PRDM10: variants seen among roughly 807,000 people sequenced by gnomAD.
PRDM10 encodes the protein PR domain zinc finger protein 10.
A neutral mutation model predicts 133.1 loss-of-function variants in PRDM10; 65 were observed. The ratio of observed to expected loss-of-function variants is 0.49; its 90% CI spans 0.40 to 0.60. The LOEUF is 0.60. PRDM10 is among the 20% of genes least tolerant of loss of function. The pLI is 0.00. For missense variants in PRDM10, 1,137 were observed against 1,507.1 expected (o/e 0.75, Z 4.07); for synonymous variants, 582 against 580.4 (o/e 1.00, Z -0.04).
Position 129,957,740 on chromosome 11 carries a change from A to G in PRDM10, c.234+6T>C. The G allele has an allele frequency of 6.2e-7, 1 of 1,605,048 alleles. No individual in the cohort carries two copies. Among genetic ancestry groups the G allele is most frequent in the Non-Finnish European group, 8.5e-7 (1 of 1,175,934 alleles). The stretch of plus-strand genomic sequence containing the variant: ...ACAAATTATCAACAGATAACCCTTC[A>G]CATGCCTGTGCAGCTTCCACCGGGT... On this transcript the variant is annotated splice_donor_region_variant and intron_variant, in intron 3 of 20. Coordinates refer to ENST00000360871, the MANE Select transcript of PRDM10 (RefSeq NM_199437.2).
chr11:129,912,109 G>T lies in PRDM10; in HGVS notation c.2958C>A (p.Thr986=). 1.9e-6 allele frequency: 3 copies of T among 1,611,432 alleles called. No individual in the cohort carries two copies. Among genetic ancestry groups the T allele is most frequent in the Middle Eastern group, 1.7e-4 (1 of 6,044 alleles). ...CCTGGGCGGAGGACGGGGCCGAGGC[G>T]GTAGGCTCGCTGACCTGGATGTGCT... ...QVQHIQVSEP[T]ASAPSSAQVS... is the part of the protein sequence containing the mutation. Residue 986 remains threonine, a synonymous_variant, in exon 18 of 21, where the codon ACC becomes ACA. Transcript: ENST00000360871.
chr11:129,976,548 GAAC>G (rs1375470927), intron 1 of PRDM10, among the ~76,000 whole-genome samples: 1 of 152,166 alleles, frequency 6.6e-6, no homozygotes, highest in African/African-American at 2.4e-5. Flanking sequence ...TGACAGCACA[GAAC>G]AATAAGCTAG....
chr11:129,905,507 G>C (rs917326698), intron 20 of PRDM10, 131 bp downstream of exon 20: 56 of 739,744 alleles, frequency 7.6e-5, no homozygotes, highest in Non-Finnish European at 1.3e-4. Context: ...CCAAGACCTA[G>C]CTTTCAAAGA....
chr11:129,935,848 C>A (rs1041890166), intron 8 of PRDM10, among the ~76,000 whole-genome samples: 1 of 152,200 alleles, frequency 6.6e-6, no homozygotes, highest in Admixed American at 6.5e-5. Context: ...TAGTTGGTAA[C>A]CTTTAAGTCA....
intron 12 of PRDM10, among the ~76,000 whole-genome samples, chr11:129,924,413 G>T (rs1950612976): frequency 1.3e-5 from 2 of 152,144 alleles, no homozygotes; most frequent in East Asian, 3.9e-4. Context: ...ACACTACAGG[G>T]GAGGAGGCAG....
chr11:129,949,553 T>C (rs34001462), intron 4 of PRDM10, among the ~76,000 whole-genome samples: 12,545 of 152,286 alleles, frequency 0.082, 940 homozygotes, highest in East Asian at 0.37. Flanking sequence ...CCTTCAGGCA[T>C]CTAGAGGAAG....
chr11:129,966,718 G>C (rs558434464), intron 1 of PRDM10, among the ~76,000 whole-genome samples: 1 of 152,332 alleles, frequency 6.6e-6, no homozygotes, highest in African/African-American at 2.4e-5. Context: ...TGTTATTACT[G>C]AGATTCACGG....
At chr11:129,944,446 G>T (rs143418768) in intron 6 of PRDM10, among the ~76,000 whole-genome samples, 1 of 152,182 alleles carries the variant, frequency 6.6e-6, no homozygotes, top group South Asian at 2.1e-4. Flanking sequence ...TTAGCCGGGC[G>T]TGGTGGCGGG....
At chr11:129,958,745 A>G (rs1266964246) in intron 2 of PRDM10, among the ~76,000 whole-genome samples, 1 of 152,250 alleles carries the variant, frequency 6.6e-6, no homozygotes, top group East Asian at 1.9e-4. Flanking sequence ...TGCTGAATCA[A>G]TGAATGGAAT....
In PRDM10 at chr11:129,925,192, A is replaced by G. The variant is rs1179828724; in HGVS notation, c.1568T>C (p.Phe523Ser). 1.2e-6 allele frequency: 2 copies of G among 1,613,334 alleles called. No homozygotes were observed. The highest frequency in any genetic ancestry group is 2.2e-5 in the East Asian group (1 of 44,898). ...ALQHLFIRKS[F>S]RPFKCLQCGK... is the part of the protein sequence containing the mutation. ...ACACTGCAAGCATTTAAAAGGCCGG[A>G]AGGACTTCCGAATAAACAGATGCTG... Residue 523 changes from phenylalanine to serine, a missense_variant, in exon 12 of 21, where the codon TTC becomes TCC. Transcript: ENST00000360871.
chr11:129,983,749 T>C (rs967628790), intron 1 of PRDM10, among the ~76,000 whole-genome samples: 2 of 152,172 alleles, frequency 1.3e-5, no homozygotes, highest in African/African-American at 4.8e-5. Flanking sequence ...AAGAGACCTT[T>C]GTTCCCACTT....
chr11:129,997,897 AC>A (rs1483283294), intron 1 of PRDM10, among the ~76,000 whole-genome samples: 1 of 152,254 alleles, frequency 6.6e-6, no homozygotes, highest in Non-Finnish European at 1.5e-5. Context: ...CACTAAAAAA[AC>A]AGACATCTAC....
intron 1 of PRDM10, among the ~76,000 whole-genome samples, chr11:129,995,031 T>C (rs1387337375): frequency 6.6e-6 from 1 of 152,210 alleles, no homozygotes; most frequent in Non-Finnish European, 1.5e-5. Flanking sequence ...TCATTTTAAT[T>C]CCAGAATTAC....
chr11:129,914,248 C>A (rs1176374930), intron 17 of PRDM10, among the ~76,000 whole-genome samples: 1 of 152,194 alleles, frequency 6.6e-6, no homozygotes, highest in African/African-American at 2.4e-5. Flanking sequence ...GTGATCTGCC[C>A]GCCTCAGCCT....
intron 4 of PRDM10, among the ~76,000 whole-genome samples, chr11:129,951,375 C>T (rs1392471441): frequency 6.6e-6 from 1 of 152,130 alleles, no homozygotes; most frequent in African/African-American, 2.4e-5. Context: ...GTCACCCACG[C>T]TTTGAATACC....
chr11:129,932,377 T>C, intron 9 of PRDM10, 146 bp from the exon 10 acceptor site: 1 of 1,011,886 alleles, frequency 9.9e-7, no homozygotes, highest in South Asian at 1.9e-5. Context: ...AAACAACTGT[T>C]TTACTAATAT....
rs890437818 is a variant in PRDM10, at chr11:129,923,946, G to A, written c.1879-543C>T. ...ATGAGTGGATACAGAAGACATTACCGGTTTGTGAGAGCAATATGACGCTGG... is the reference window on the plus strand; with the variant it reads ...ATGAGTGGATACAGAAGACATTACCAGTTTGTGAGAGCAATATGACGCTGG... On this transcript the variant is annotated intron_variant, in intron 12 of 20. Coordinates refer to ENST00000360871, the MANE Select transcript of PRDM10 (RefSeq NM_199437.2). The surrounding 1 kb of genome is among the most constrained non-coding windows in gnomAD (Gnocchi z 4.4). Among the ~76,000 whole-genome samples the A allele has an allele frequency of 1.4e-4, 22 of 152,190 alleles. No homozygotes were observed. Among genetic ancestry groups the A allele is most frequent in the Middle Eastern group, 3.2e-3 (1 of 316 alleles).
intron 1 of PRDM10, among the ~76,000 whole-genome samples, chr11:130,001,020 T>A (rs117192131): frequency 1.3e-5 from 2 of 152,026 alleles, no homozygotes; most frequent in Non-Finnish European, 2.9e-5. Context: ...AGCAGGAGGA[T>A]CCCTTGAGCC....
intron 20 of PRDM10, 80 bp from the exon 21 acceptor site, chr11:129,902,596 G>A (rs931756744): frequency 5.3e-6 from 8 of 1,514,110 alleles, no homozygotes; most frequent in Non-Finnish European, 7.1e-6. Flanking sequence ...AGGGAGATGT[G>A]AAGAAATGTC....
Sources: gnomAD v4.1 joint callset for allele counts (sites outside exome capture counted in the v4.1 genomes callset) on GRCh38, gnomAD v4.1.1 for gene constraint, Gnocchi (gnomAD v3.1) non-coding constraint, MANE v1.5 for transcripts, NCBI Gene and HGNC (gene_info 2026-07-23, HGNC 2026-07-21) for gene names.